KCNT2: variants seen among roughly 807,000 people sequenced by gnomAD.
KCNT2 encodes the protein potassium sodium-activated channel subfamily T member 2, also known as potassium channel subfamily T member 2.
Under a neutral mutation model 153.8 loss-of-function variants are expected in KCNT2, and 67 were observed. The observed-to-expected ratio is 0.44, with a 90% CI of 0.36 to 0.53. The LOEUF (loss-of-function observed/expected upper bound fraction) is 0.53. Ranked by LOEUF, KCNT2 falls within the 20% of genes least tolerant of loss-of-function variation. KCNT2 has a pLI of 0.00. For missense variants in KCNT2, 975 were observed against 1,354.8 expected, an observed-to-expected ratio of 0.72 and a Z score of 4.40; for synonymous variants, 500 against 458.8, an observed-to-expected ratio of 1.09 and a Z score of -1.15.
intron 26 of KCNT2, among the ~76,000 whole-genome samples, chr1:196,249,049 C>A (rs1426723019): frequency 6.6e-6 from 1 of 151,940 alleles, no homozygotes; most frequent in Non-Finnish European, 1.5e-5. Flanking sequence ...AGGACAAAAA[C>A]CAAATGATCA....
intron 1 of KCNT2, among the ~76,000 whole-genome samples, chr1:196,547,639 ACTGTCCATTCAT>A (rs1474210585): frequency 6.6e-6 from 1 of 151,826 alleles, no homozygotes; most frequent in South Asian, 2.1e-4. Flanking sequence ...TTACCCTTTC[ACTGTCCATTCAT>A]CTGTCCATTC....
chr1:196,536,626 C>A (rs967618765), intron 1 of KCNT2, among the ~76,000 whole-genome samples: 3 of 152,190 alleles, frequency 2.0e-5, no homozygotes, highest in African/African-American at 2.4e-5. Context: ...TCAGCATACT[C>A]CACTGGTCTA....
intron 14 of KCNT2, among the ~76,000 whole-genome samples, chr1:196,352,642 CT>C (rs1256775910): frequency 4.0e-5 from 6 of 151,746 alleles, no homozygotes; most frequent in Non-Finnish European, 7.4e-5. Context: ...TTTGTTGATC[CT>C]TTCAAAAAAC....
chr1:196,289,084 T>TA (rs1437827870), intron 22 of KCNT2, among the ~76,000 whole-genome samples: 1 of 152,102 alleles, frequency 6.6e-6, no homozygotes, highest in Non-Finnish European at 1.5e-5. Flanking sequence ...AGTAAGTACT[T>TA]AAAAAGATAT....
intron 5 of KCNT2, among the ~76,000 whole-genome samples, chr1:196,474,860 C>G (rs77098913): frequency 6.6e-6 from 1 of 152,164 alleles, no homozygotes; most frequent in East Asian, 1.9e-4. Flanking sequence ...ATGATTTAAG[C>G]ACAGACCTGC....
Position 196,484,539 on chromosome 1 carries a change from G to T in KCNT2, c.276-2160C>A, listed in dbSNP as rs186949883. ...AAGCTCTTTAGTTTAATAAGATCCT[G>T]TTTGTCAATTTTGGCTTTTGTTGCA... On this transcript the variant is annotated intron_variant, in intron 3 of 27. Coordinates refer to ENST00000294725, the MANE Select transcript of KCNT2 (RefSeq NM_198503.5). Among the ~76,000 whole-genome samples, 468 of 151,904 alleles carry T rather than the reference G, an allele frequency of 3.1e-3. 1 individual carries two copies. The highest frequency in any genetic ancestry group is 0.011 in the African/African-American group (445 of 41,480).
chr1:196,429,390 C>T (rs530646579), intron 9 of KCNT2, among the ~76,000 whole-genome samples, 187 bp downstream of exon 9: 22 of 152,000 alleles, frequency 1.4e-4, no homozygotes, highest in African/African-American at 5.3e-4. Flanking sequence ...AAAAGCAACT[C>T]GGTGTTTCTA....
At chr1:196,316,377 C>T (rs1176459272) in intron 20 of KCNT2, among the ~76,000 whole-genome samples, 2 of 151,590 alleles carry the variant, frequency 1.3e-5, no homozygotes, top group Non-Finnish European at 2.9e-5. Context: ...AGTTAACATA[C>T]TACTTCAAAG....
chr1:196,331,397 G>C (rs1664446303), intron 17 of KCNT2, 136 bp from the exon 18 acceptor site: 5 of 621,622 alleles, frequency 8.0e-6, no homozygotes, highest in Non-Finnish European at 1.5e-5. Context: ...TAAAGAGGTA[G>C]TTAAGAAGAG....
chr1:196,300,838 T>C (rs1661120131), intron 22 of KCNT2, among the ~76,000 whole-genome samples: 1 of 152,124 alleles, frequency 6.6e-6, no homozygotes, highest in African/African-American at 2.4e-5. Context: ...AAATTTTTTC[T>C]CCCCTATTGG....
At chr1:196,430,484 T>C (rs1674057496) in intron 8 of KCNT2, among the ~76,000 whole-genome samples, 1 of 151,838 alleles carries the variant, frequency 6.6e-6, no homozygotes, top group Non-Finnish European at 1.5e-5. Context: ...TTCTACAATG[T>C]TATGAGATAG....
At chr1:196,330,370 A>G (rs1355411482) in intron 18 of KCNT2, among the ~76,000 whole-genome samples, 1 of 151,946 alleles carries the variant, frequency 6.6e-6, no homozygotes, top group Non-Finnish European at 1.5e-5. Context: ...TTTAAGGATG[A>G]GGAAACTGAA....
chr1:196,542,851 CT>C (rs1310864899), intron 1 of KCNT2, among the ~76,000 whole-genome samples: 1 of 151,878 alleles, frequency 6.6e-6, no homozygotes, highest in Non-Finnish European at 1.5e-5. Flanking sequence ...AACTGTCAGT[CT>C]ATGTGTTATG....
At position 196,319,129 on chromosome 1, in the gene KCNT2, A is replaced by G. The variant is rs556373491; in HGVS notation, c.2348+355T>C. On this transcript the variant is annotated intron_variant, in intron 20 of 27. Coordinates refer to ENST00000294725, the MANE Select transcript of KCNT2 (RefSeq NM_198503.5). ...ATTTCTAAATTATTTCAAAGTTTCC[A>G]GAAGTTATCGTAACGCTATCAATGC... Among the ~76,000 whole-genome samples, 5 of 151,910 alleles carry G rather than the reference A, an allele frequency of 3.3e-5. No homozygotes were observed. In the East Asian group the frequency reaches 9.7e-4, roughly 29 times the overall value.
chr1:196,336,679 A>C (rs1665067662), intron 16 of KCNT2, among the ~76,000 whole-genome samples: 1 of 152,200 alleles, frequency 6.6e-6, no homozygotes, highest in South Asian at 2.1e-4. Context: ...CACTCCATTG[A>C]AACAGCTCTT....
At chr1:196,344,954 A>C (rs1558174048) in intron 14 of KCNT2, among the ~76,000 whole-genome samples, 1 of 152,110 alleles carries the variant, frequency 6.6e-6, no homozygotes, top group South Asian at 2.1e-4. Flanking sequence ...TCAGTATACA[A>C]ACTTTGTTAT....
intron 1 of KCNT2, among the ~76,000 whole-genome samples, chr1:196,604,305 A>G (rs1665076532): frequency 1.3e-5 from 2 of 152,140 alleles, no homozygotes; most frequent in African/African-American, 4.8e-5. Context: ...ACTGAGCGCT[A>G]TTTCATATTC....
chr1:196,341,487 T>C (rs1424196002), intron 15 of KCNT2, among the ~76,000 whole-genome samples: 1 of 152,038 alleles, frequency 6.6e-6, no homozygotes, highest in Non-Finnish European at 1.5e-5. Context: ...TAGTAGACTA[T>C]ATACGTATAT....
chr1:196,568,626 C>T (rs972670038), intron 1 of KCNT2, among the ~76,000 whole-genome samples: 3 of 151,400 alleles, frequency 2.0e-5, no homozygotes, highest in Non-Finnish European at 4.4e-5. Flanking sequence ...GAAAAACACG[C>T]CACCACAGAT....
Sources: allele counts gnomAD v4.1 joint callset (sites outside exome capture counted in the v4.1 genomes callset), GRCh38; gene constraint gnomAD v4.1.1; transcripts MANE v1.5; gene names NCBI Gene and HGNC (gene_info 2026-07-23, HGNC 2026-07-21).